BOP1: variants seen among roughly 807,000 people sequenced by gnomAD.
BOP1 encodes the protein BOP1 ribosomal biogenesis factor, also known as ribosome biogenesis protein BOP1.
BOP1 carries 54 observed loss-of-function variants against 82.9 expected under a neutral mutation model. The observed-to-expected ratio is 0.65, with a 90% CI of 0.52 to 0.82. The LOEUF is 0.82. BOP1 is among the 40% of genes least tolerant of loss of function. The pLI is 0.00. For synonymous variants in BOP1, 566 were observed against 451.1 expected (o/e 1.25, Z -3.23); for missense variants, 1,170 against 1,072.0 (o/e 1.09, Z -1.28).
At chr8:144,272,809 C>G (rs1032641492) in intron 3 of BOP1, among the ~76,000 whole-genome samples, 3 of 152,174 alleles carry the variant, frequency 2.0e-5, no homozygotes, top group Non-Finnish European at 4.4e-5. Flanking sequence ...TCTCCCAAAC[C>G]GGACAACTGA....
Position 144,289,054 on chromosome 8 carries a change from A to C in BOP1, c.309+41T>G, listed in dbSNP as rs572076775. Reference sequence around the variant, plus strand: ...TCTCAGAAAGCCCAAGGCCACCTGCACATGGGGGACAGCCCTCGAGGGGGC... The same window carrying C: ...TCTCAGAAAGCCCAAGGCCACCTGCCCATGGGGGACAGCCCTCGAGGGGGC... On this transcript the variant is annotated intron_variant, in intron 2 of 15. Coordinates refer to ENST00000569669, the MANE Select transcript of BOP1 (RefSeq NM_015201.5). 1.4e-4 allele frequency: 227 copies of C among 1,607,092 alleles called. 2 individuals carry two copies. The South Asian group carries it at 2.3e-3, about 17-fold the overall frequency.
chr8:144,277,782 C>A (rs1487434534), intron 2 of BOP1, among the ~76,000 whole-genome samples: 1 of 56,238 alleles, frequency 1.8e-5, no homozygotes, highest in East Asian at 2.4e-3. Flanking sequence ...CCAGGCCCAG[C>A]GCCCGAAGGG....
At chr8:144,277,160 C>T (rs1845580046) in intron 2 of BOP1, among the ~76,000 whole-genome samples, 2 of 152,156 alleles carry the variant, frequency 1.3e-5, no homozygotes, top group African/African-American at 4.8e-5. Context: ...CGGGCACGCC[C>T]CCGCCCCCAC....
At position 144,262,986 on chromosome 8, in the gene BOP1, G is replaced by A; in HGVS notation, c.1761C>T (p.Phe587=). The A allele has an allele frequency of 1.3e-6, 2 of 1,553,468 alleles. No homozygotes were observed. The highest frequency in any genetic ancestry group is 1.7e-6 in the Non-Finnish European group (2 of 1,156,716). ...CCAACAGGAAGGGCCGGGCAGGGTGGAAGGCCACTCGCTGCACCTGTCCGT... is the reference window on the plus strand; with the variant it reads ...CCAACAGGAAGGGCCGGGCAGGGTGAAAGGCCACTCGCTGCACCTGTCCGT... The part of the protein sequence containing the change: ...RSHGQVQRVA[F]HPARPFLLVA... The change falls in exon 13 of 16, where the codon TTC becomes TTT. Residue 587 remains phenylalanine, a synonymous_variant. Transcript: ENST00000569669.
In BOP1 at chr8:144,262,330, G is replaced by A. The variant is rs1318683000; in HGVS notation, c.2088-13C>T. On this transcript the variant is annotated splice_polypyrimidine_tract_variant and intron_variant, in intron 15 of 15. Transcript: ENST00000569669. ...CTGCAGAAGGTCACTGTGGGGACGA[G>A]GAGGGCTCAGGGCACGGCCAGACAC... 6.6e-5 allele frequency: 107 copies of A among 1,612,700 alleles called. No homozygotes were observed. Among genetic ancestry groups the A allele is most frequent in the Non-Finnish European group, 8.6e-5 (101 of 1,179,828 alleles).
At chr8:144,284,223 AG>A (rs1480661383) in intron 2 of BOP1, among the ~76,000 whole-genome samples, 2 of 152,196 alleles carry the variant, frequency 1.3e-5, no homozygotes, top group African/African-American at 2.4e-5. Context: ...CCTTGAGCCC[AG>A]GAAGTTGAGA....
At chr8:144,286,008 C>T (rs1814857668) in intron 2 of BOP1, among the ~76,000 whole-genome samples, 1 of 152,230 alleles carries the variant, frequency 6.6e-6, no homozygotes, top group Non-Finnish European at 1.5e-5. Context: ...ATGCAGGAGG[C>T]AGCACTGGGC....
Position 144,265,089 on chromosome 8 carries a change from C to A in BOP1, c.391-18G>T. The A allele has an allele frequency of 6.2e-7, 1 of 1,601,956 alleles. No individual in the cohort carries two copies. The highest frequency in any genetic ancestry group is 8.5e-7 in the Non-Finnish European group (1 of 1,174,192). On this transcript the variant is annotated intron_variant, in intron 3 of 15. Transcript: ENST00000569669. ...CGGATGTCCTGCAGCCGGGGGCCAC[C>A]ATGTCGGCATCTGATCCTACAAGGC...
chr8:144,288,937 G>A (rs930858739), intron 2 of BOP1, among the ~76,000 whole-genome samples, 158 bp downstream of exon 2: 4 of 152,216 alleles, frequency 2.6e-5, no homozygotes, highest in Non-Finnish European at 4.4e-5. Context: ...GGAAACCAGC[G>A]TCCTAGAGCC....
rs977371845 is a variant in BOP1, at chr8:144,263,768, A to C, written c.1222-7T>G. 58 of 1,589,576 alleles carry C rather than the reference A, an allele frequency of 3.6e-5. No individual in the cohort carries two copies. Among genetic ancestry groups the C allele is most frequent in the Admixed American group, 1.4e-4 (8 of 55,956 alleles). On this transcript the variant is annotated splice_polypyrimidine_tract_variant and splice_region_variant and intron_variant, in intron 9 of 15. Transcript: ENST00000569669. ...CACTGTGGCCCCTGTAGACCTGAGG[A>C]GGCGGCGGCAGTGAGGAGTCAGACT...
chr8:144,265,120 C>A, intron 3 of BOP1, 49 bp from the exon 4 acceptor site: 1 of 1,581,484 alleles, frequency 6.3e-7, no homozygotes, highest in Admixed American at 1.7e-5. Context: ...AAGGCCCACC[C>A]CCGCTTCGGG....
In BOP1 at chr8:144,263,545, C is replaced by T. The variant is rs1845284660; in HGVS notation, c.1357G>A (p.Val453Met). 8 of 1,600,746 alleles carry T rather than the reference C, an allele frequency of 5.0e-6. No individual in the cohort carries two copies. The highest frequency in any genetic ancestry group is 3.3e-5 in the South Asian group (3 of 91,046). ...GCCACACTCTTCACCACGCCCCCCA[C>T]GGGAACAGTCCTCACACAGCGGGCA... ...ATARCVRTVPVGGVVKSVAWN... is the reference protein window; with the variant it reads ...ATARCVRTVPMGGVVKSVAWN... Residue 453 changes from valine (V) to methionine (M), a missense_variant, in exon 11 of 16, where the codon GTG (valine) becomes ATG (methionine). Coordinates refer to ENST00000569669, the MANE Select transcript of BOP1 (RefSeq NM_015201.5).
chr8:144,278,521 G>A (rs1554838575), intron 2 of BOP1, among the ~76,000 whole-genome samples: 1 of 152,256 alleles, frequency 6.6e-6, no homozygotes, highest in Non-Finnish European at 1.5e-5. Flanking sequence ...CCTCCTGGGA[G>A]AGGATGGCGA....
chr8:144,270,970 A>G (rs1047798474), intron 3 of BOP1, among the ~76,000 whole-genome samples: 6 of 151,944 alleles, frequency 3.9e-5, no homozygotes, highest in Non-Finnish European at 8.8e-5. Flanking sequence ...GGCGGGACAC[A>G]TGATTCATCA....
intron 3 of BOP1, chr8:144,268,460 AAAC>A (rs1217426695): frequency 1.9e-6 from 1 of 521,984 alleles, no homozygotes; most frequent in Non-Finnish European, 3.4e-6. Context: ...GTATAATTAA[AAAC>A]AAAACAGTAT....
In BOP1 at chr8:144,289,121, T is replaced by C. The variant is rs1814962283; in HGVS notation, c.283A>G (p.Lys95Glu). The C allele has an allele frequency of 1.2e-6, 2 of 1,614,190 alleles. No individual in the cohort carries two copies. Among genetic ancestry groups the C allele is most frequent in the Non-Finnish European group, 1.7e-6 (2 of 1,180,036 alleles). ...TGCACCTGCTCCTCAGTGGTCTTTT[T>C]AATCCCACTGTGGCCCTCGTCATCA... Reference protein sequence around the residue: ...ALDDEGHSGIKKTTEEQVQAS... With the variant: ...ALDDEGHSGIEKTTEEQVQAS... The change falls in exon 2 of 16, where the codon AAA (lysine) becomes GAA (glutamate). Residue 95 changes from lysine to glutamate, a missense_variant. Coordinates refer to ENST00000569669, the MANE Select transcript of BOP1 (RefSeq NM_015201.5).
intron 3 of BOP1, among the ~76,000 whole-genome samples, chr8:144,269,702 G>A (rs1019110361): frequency 1.3e-5 from 2 of 152,208 alleles, no homozygotes; most frequent in Non-Finnish European, 2.9e-5. Context: ...GGGAGGAGAG[G>A]ACAAGCTCAG....
chr8:144,263,746 T>C lies in BOP1; in HGVS notation c.1237A>G (p.Ser413Gly), dbSNP rs1215401907. The stretch of plus-strand genomic sequence containing the variant: ...ACACTGAGGCACCGGACAAGGTCAC[T>C]GTGGCCCCTGTAGACCTGAGGAGGC... ...TCQALVYRGH[S>G]DLVRCLSVSP... The change falls in exon 10 of 16, where the codon AGT becomes GGT. Residue 413 changes from serine to glycine, a missense_variant. By Grantham distance (56) the Ser-to-Gly change is moderately conservative. Transcript: ENST00000569669. 9 of 1,581,074 alleles carry C rather than the reference T, an allele frequency of 5.7e-6. No homozygotes were observed. Among genetic ancestry groups the C allele is most frequent in the Middle Eastern group, 2.0e-4 (1 of 4,898 alleles).
intron 13 of BOP1, 36 bp from the exon 14 acceptor site, chr8:144,262,708 C>G (rs889495292): frequency 6.2e-7 from 1 of 1,605,218 alleles, no homozygotes; most frequent in South Asian, 1.1e-5. Context: ...TGTTCCCGCT[C>G]TCACCTGCAG....
Sources: allele counts gnomAD v4.1 joint callset (sites outside exome capture counted in the v4.1 genomes callset), GRCh38; gene constraint gnomAD v4.1.1; transcripts MANE v1.5; gene names NCBI Gene and HGNC (gene_info 2026-07-23, HGNC 2026-07-21).